Variants in RBMS3 observed in about 807,000 individuals in gnomAD.
RBMS3 encodes RNA binding motif single stranded interacting protein 3, also known as RNA-binding motif, single-stranded-interacting protein 3.
RBMS3 carries 27 observed loss-of-function variants against 66.8 expected under a neutral mutation model. The observed-to-expected ratio is 0.40, with a 90% CI of 0.30 to 0.56. RBMS3 has a LOEUF of 0.56. Ranked by LOEUF, RBMS3 falls within the 20% of genes least tolerant of loss-of-function variation. The probability of loss-of-function intolerance (pLI) is 0.40; values close to 1 mark genes in which losing one functional copy is unlikely to be tolerated. For missense variants in RBMS3, 513 were observed against 549.5 expected (o/e 0.93, Z 0.66); for synonymous variants, 188 against 183.0 (o/e 1.03, Z -0.22).
chr3:29,649,703 A>C (rs529661509), intron 4 of RBMS3, among the ~76,000 whole-genome samples: 3 of 152,220 alleles, frequency 2.0e-5, no homozygotes, highest in Non-Finnish European at 4.4e-5. Context: ...ACACATTGTC[A>C]TTCATGAAAC....
chr3:29,701,553 C>T (rs2052577297), intron 4 of RBMS3, among the ~76,000 whole-genome samples: 1 of 152,116 alleles, frequency 6.6e-6, no homozygotes. Context: ...AGCCAGCTCC[C>T]TCTGCTTGTA....
chr3:29,668,995 A>ACTTAGTTGATG (rs1472171164), intron 4 of RBMS3, among the ~76,000 whole-genome samples: 1 of 152,060 alleles, frequency 6.6e-6, no homozygotes, highest in African/African-American at 2.4e-5. Flanking sequence ...TGCGTTTCCC[A>ACTTAGTTGATG]CTTAGTTGAT....
chr3:29,382,667 G>A (rs964351000), intron 1 of RBMS3, among the ~76,000 whole-genome samples: 7 of 152,148 alleles, frequency 4.6e-5, no homozygotes, highest in African/African-American at 1.7e-4. Flanking sequence ...CCAAAATTAT[G>A]AAGTCATCTA....
At chr3:29,465,818 A>G (rs2042524881) in intron 2 of RBMS3, among the ~76,000 whole-genome samples, 1 of 152,148 alleles carries the variant, frequency 6.6e-6, no homozygotes, top group African/African-American at 2.4e-5. Flanking sequence ...AGTCATTTGA[A>G]GGGGATCTTA....
Position 29,730,308 on chromosome 3 carries a change from C to CG in RBMS3, c.400-9406dup, listed in dbSNP as rs1224399648. The stretch of plus-strand genomic sequence containing the variant: ...GTCATCATTTGTGCTGTGTTCTGGG[C>CG]GGGGGGCGGGGATGTCAGTAGACTA... On this transcript the variant is annotated intron_variant, in intron 4 of 14. Transcript: ENST00000383767. Among the ~76,000 whole-genome samples the CG allele has an allele frequency of 3.6e-5, 3 of 82,744 alleles. No individual in the cohort carries two copies. In the South Asian group the frequency reaches 1.1e-3, roughly 31 times the overall value. The allele number at this position is 82,744 out of a possible 152,430, so 54.3% of individuals were successfully genotyped here.
chr3:29,701,903 G>A (rs920030127), intron 4 of RBMS3, among the ~76,000 whole-genome samples: 4 of 152,114 alleles, frequency 2.6e-5, no homozygotes, highest in Admixed American at 1.3e-4. Flanking sequence ...CCCATCGACC[G>A]CCCAAAGGCT....
At chr3:29,305,564 T>G (rs957270720) in intron 1 of RBMS3, among the ~76,000 whole-genome samples, 2 of 151,916 alleles carry the variant, frequency 1.3e-5, no homozygotes, top group Non-Finnish European at 2.9e-5. Flanking sequence ...ACAACAAAAA[T>G]GGATCTACCC....
At chr3:29,457,827 CTTT>C (rs36020077) in intron 2 of RBMS3, among the ~76,000 whole-genome samples, 8 of 140,816 alleles carry the variant, frequency 5.7e-5, no homozygotes, top group Non-Finnish European at 7.7e-5. Flanking sequence ...TCAATTTGCA[CTTT>C]TTTTTTTTTT....
intron 2 of RBMS3, among the ~76,000 whole-genome samples, chr3:29,470,039 GAAT>G (rs1404210701): frequency 2.7e-5 from 4 of 146,204 alleles, no homozygotes; most frequent in Admixed American, 1.4e-4. Context: ...ATATATAAAA[GAAT>G]AATATACTGA....
chr3:29,468,006 C>A (rs1007409327), intron 2 of RBMS3, among the ~76,000 whole-genome samples: 1 of 152,094 alleles, frequency 6.6e-6, no homozygotes, highest in Non-Finnish European at 1.5e-5. Flanking sequence ...TACCTCTTTG[C>A]CTGTTGGCTA....
intron 6 of RBMS3, among the ~76,000 whole-genome samples, chr3:29,849,489 G>C (rs4377456): frequency 0.43 from 64,643 of 150,008 alleles, 15,620 homozygotes; most frequent in Non-Finnish European, 0.56. Context: ...ACTCCAGCCT[G>C]GGTGACAGAG....
At chr3:29,602,765 C>T (rs555070608) in intron 4 of RBMS3, among the ~76,000 whole-genome samples, 1 of 152,042 alleles carries the variant, frequency 6.6e-6, no homozygotes, top group East Asian at 1.9e-4. Flanking sequence ...TGTCACTTTG[C>T]TTAACATCTT....
rs564114727 is a variant in RBMS3, at chr3:29,803,949, A to G, written c.637+40960A>G. On this transcript the variant is annotated intron_variant, in intron 6 of 14. Transcript: ENST00000383767. ...GCAAAGTAGGCTATTTCATTCTTCT[A>G]TCTGTATTTTTTTCTAAACTGCTTC... is the stretch of plus-strand genomic sequence containing the variant. Among the ~76,000 whole-genome samples the G allele has an allele frequency of 3.3e-5, 5 of 152,186 alleles. No individual in the cohort carries two copies. The East Asian group carries it at 9.7e-4, about 29-fold the overall frequency.
intron 3 of RBMS3, among the ~76,000 whole-genome samples, chr3:29,513,409 G>A (rs58648640): frequency 0.024 from 3,674 of 152,110 alleles, 147 homozygotes; most frequent in African/African-American, 0.083. Flanking sequence ...CTCTGTGAAC[G>A]ATATCTCTGC....
chr3:29,679,751 A>G (rs2051408281), intron 4 of RBMS3, among the ~76,000 whole-genome samples: 1 of 137,766 alleles, frequency 7.3e-6, no homozygotes, highest in South Asian at 2.3e-4. Flanking sequence ...TTTAGCAATA[A>G]TTTATACTAC....
At chr3:29,593,123 C>A (rs181325471) in intron 4 of RBMS3, among the ~76,000 whole-genome samples, 9 of 152,046 alleles carry the variant, frequency 5.9e-5, no homozygotes, top group Non-Finnish European at 2.9e-5. Flanking sequence ...ATGTAACAAA[C>A]CTGCACGTTG....
intron 9 of RBMS3, 136 bp from the exon 10 acceptor site, chr3:29,899,569 C>A: frequency 1.6e-6 from 1 of 638,878 alleles, no homozygotes. Flanking sequence ...CCCTTTTTAC[C>A]CTTGGTTTTG....
chr3:29,756,450 G>A (rs546336872), intron 5 of RBMS3, among the ~76,000 whole-genome samples: 9 of 152,120 alleles, frequency 5.9e-5, no homozygotes, highest in Non-Finnish European at 8.8e-5. Flanking sequence ...GAAGGCAAAG[G>A]GGGAGCAAAG....
intron 5 of RBMS3, among the ~76,000 whole-genome samples, chr3:29,741,669 G>A (rs770866899): frequency 6.6e-6 from 1 of 152,194 alleles, no homozygotes; most frequent in Non-Finnish European, 1.5e-5. Flanking sequence ...TTCGTACAAA[G>A]TATATTAGTT....
Sources: allele counts gnomAD v4.1 joint callset (sites outside exome capture counted in the v4.1 genomes callset), GRCh38; gene constraint gnomAD v4.1.1; transcripts MANE v1.5; gene names NCBI Gene and HGNC (gene_info 2026-07-23, HGNC 2026-07-21).